The following GALNT9 variants were observed in gnomAD, a reference collection of about 807,000 sequenced individuals.
GALNT9 encodes GalNAc transferase 9.
A neutral mutation model predicts 63.1 loss-of-function variants in GALNT9; 47 were observed. The ratio of observed to expected loss-of-function variants is 0.75; its 90% CI spans 0.59 to 0.95. GALNT9 has a LOEUF of 0.95. Among genes scored for constraint, GALNT9 ranks in the 40% least tolerant of loss-of-function variants. The pLI is 0.00. For synonymous variants in GALNT9, 396 were observed against 365.7 expected, an observed-to-expected ratio of 1.08 and a Z score of -0.94; for missense variants, 829 against 874.8, an observed-to-expected ratio of 0.95 and a Z score of 0.66.
intron 6 of GALNT9, among the ~76,000 whole-genome samples, chr12:132,220,222 A>G (rs1215215364): frequency 2.6e-5 from 4 of 152,228 alleles, no homozygotes; most frequent in Non-Finnish European, 4.4e-5. Flanking sequence ...CTGTACCACA[A>G]TACTCCAGCC....
rs1881438741 is a variant in GALNT9, at chr12:132,303,929, ACACACCCTCGCCCGGG to A, written c.239-17515_239-17500del. On this transcript the variant is annotated intron_variant, in intron 1 of 10. Coordinates refer to ENST00000328957, the MANE Select transcript of GALNT9 (RefSeq NM_001122636.2). ...CTCACCCAGACACAGCCTCGCCCAG[ACACACCCTCGCCCGGG>A]CACACCCTCACCTGGGCACAGCCTC... Among the ~76,000 whole-genome samples, 2 of 28,328 alleles carry A rather than the reference ACACACCCTCGCCCGGG, an allele frequency of 7.1e-5. 1 individual carries two copies. Among genetic ancestry groups the A allele is most frequent in the Admixed American group, 7.8e-4 (2 of 2,576 alleles). The allele number at this position is 28,328 out of a possible 152,430, so 18.6% of individuals were successfully genotyped here.
chr12:132,319,802 G>C lies in GALNT9; in HGVS notation c.238+9164C>G, dbSNP rs1868696236. Among the ~76,000 whole-genome samples, 1 of 152,188 alleles carries C rather than the reference G, an allele frequency of 6.6e-6. No individual in the cohort carries two copies. The highest frequency in any genetic ancestry group is 6.5e-5 in the Admixed American group (1 of 15,290). ...TAGACAGAAGACATTCCTCGGGCCT[G>C]GGTGCCCAGCCTCCCGCGTCCTTCT... On this transcript the variant is annotated intron_variant, in intron 1 of 10. Transcript: ENST00000328957. The surrounding 1 kb of genome is among the most constrained non-coding windows in gnomAD (Gnocchi z 5.2).
At chr12:132,225,050 CTACA>C (rs1877597627) in intron 6 of GALNT9, among the ~76,000 whole-genome samples, 3 of 129,994 alleles carry the variant, frequency 2.3e-5, no homozygotes, top group African/African-American at 8.8e-5. Context: ...ACCCCACACA[CTACA>C]TACACACCAC....
Position 132,286,131 on chromosome 12 carries a change from G to GGGCGTGGGGGCCGCTCACTTCCCCGGCC in GALNT9, c.419+91_419+118dup, listed in dbSNP as rs1880577359. On this transcript the variant is annotated intron_variant, in intron 2 of 10. Coordinates refer to ENST00000328957, the MANE Select transcript of GALNT9 (RefSeq NM_001122636.2). This position sits in a 1 kb window ranked among gnomAD's most constrained non-coding sequence, Gnocchi z 7.4. ...CGTGGGGGGCGGTCACTTCCCTGGC[G>GGGCGTGGGGGCCGCTCACTTCCCCGGCC]GGCGTGGGGGCCGCTCACTTCCCCG... 4 of 1,178,872 alleles carry GGGCGTGGGGGCCGCTCACTTCCCCGGCC rather than the reference G, an allele frequency of 3.4e-6. No individual in the cohort carries two copies. Among genetic ancestry groups the GGGCGTGGGGGCCGCTCACTTCCCCGGCC allele is most frequent in the Admixed American group, 3.2e-5 (1 of 30,978 alleles). The allele number at this position is 1,178,872 out of a possible 1,614,324, so 73.0% of individuals were successfully genotyped here.
intron 1 of GALNT9, among the ~76,000 whole-genome samples, chr12:132,320,727 C>T (rs1010402558): frequency 3.9e-5 from 6 of 152,242 alleles, no homozygotes; most frequent in Non-Finnish European, 7.3e-5. Context: ...TCAAGGCCTC[C>T]GCCCCCACCA....
intron 6 of GALNT9, among the ~76,000 whole-genome samples, chr12:132,206,968 G>A (rs1195465709): frequency 6.6e-6 from 1 of 152,200 alleles, no homozygotes; most frequent in South Asian, 2.1e-4. Flanking sequence ...GGGAGGCTGA[G>A]GCGGGAGGAT....
intron 1 of GALNT9, among the ~76,000 whole-genome samples, chr12:132,328,098 C>T (rs1162252341): frequency 2.6e-5 from 4 of 152,210 alleles, no homozygotes; most frequent in Non-Finnish European, 4.4e-5. Flanking sequence ...TCCTTCCTGG[C>T]GCCCCGGTGC....
In GALNT9 at chr12:132,282,149, G is replaced by A. The variant is rs1431312199; in HGVS notation, c.419+4101C>T. ...GCCTGGGGGTCCCCGATCCCACAGA[G>A]GAGGAATCAGCTCCACTACAGCAAG... On this transcript the variant is annotated intron_variant, in intron 2 of 10. Coordinates refer to ENST00000328957, the MANE Select transcript of GALNT9 (RefSeq NM_001122636.2). This position sits in a 1 kb window ranked among gnomAD's most constrained non-coding sequence, Gnocchi z 4.5. 6.8e-6 allele frequency among the ~76,000 whole-genome samples: 1 copy of A among 147,836 alleles called. No individual in the cohort carries two copies. The highest frequency in any genetic ancestry group is 2.6e-5 in the African/African-American group (1 of 38,910).
chr12:132,318,334 G>T (rs1302945421), intron 1 of GALNT9, among the ~76,000 whole-genome samples: 1 of 152,346 alleles, frequency 6.6e-6, no homozygotes, highest in African/African-American at 2.4e-5. Flanking sequence ...GGGCAGGCCT[G>T]ACCCAGAACG....
At chr12:132,204,128 G>C (rs999171637) in intron 6 of GALNT9, among the ~76,000 whole-genome samples, 1 of 149,098 alleles carries the variant, frequency 6.7e-6, no homozygotes, top group Non-Finnish European at 1.5e-5. Flanking sequence ...ACCGCTCCAC[G>C]CATCCCCAGA....
intron 6 of GALNT9, among the ~76,000 whole-genome samples, chr12:132,228,809 G>A (rs1044988637): frequency 1.4e-4 from 22 of 152,100 alleles, no homozygotes; most frequent in Non-Finnish European, 2.4e-4. Context: ...ACTTGATTCC[G>A]TCCTGACCTT....
At chr12:132,214,652 TC>T (rs1877111933) in intron 6 of GALNT9, among the ~76,000 whole-genome samples, 1 of 152,100 alleles carries the variant, frequency 6.6e-6, no homozygotes, top group South Asian at 2.1e-4. Context: ...CCTGGCCACA[TC>T]CCCCTCATAC....
rs1315304031 is a variant in GALNT9 at position 132,329,571 on chromosome 12, C to G, written c.-368G>C. ...CCTGTCCTGCCCGCCCCGCAGCCACCGCGCCGGTGCAGAGTGACGCGGCCT... is the reference window on the plus strand; with the variant it reads ...CCTGTCCTGCCCGCCCCGCAGCCACGGCGCCGGTGCAGAGTGACGCGGCCT... On this transcript the variant is annotated 5_prime_UTR_variant, in exon 1 of 11. Transcript: ENST00000328957. Among the ~76,000 whole-genome samples the G allele has an allele frequency of 4.1e-5, 6 of 147,438 alleles. No individual in the cohort carries two copies. The highest frequency in any genetic ancestry group is 9.8e-5 in the African/African-American group (4 of 40,896).
intron 1 of GALNT9, among the ~76,000 whole-genome samples, chr12:132,313,298 C>T (rs1472444022): frequency 1.3e-5 from 2 of 150,676 alleles, no homozygotes; most frequent in Non-Finnish European, 3.0e-5. Flanking sequence ...CCTACCCATC[C>T]ACCCATCCAT....
rs1555242238 is a variant in GALNT9, at chr12:132,286,705, G to A, written c.239-275C>T. On this transcript the variant is annotated intron_variant, in intron 1 of 10. Transcript: ENST00000328957. This position sits in a 1 kb window ranked among gnomAD's most constrained non-coding sequence, Gnocchi z 7.4. ...GACTCTGTGTGATGCTGCAATGGTGGATATCTGTTATTATTATGTATTTTT... is the reference window on the plus strand; with the variant it reads ...GACTCTGTGTGATGCTGCAATGGTGAATATCTGTTATTATTATGTATTTTT... Among the ~76,000 whole-genome samples, 1 of 152,134 alleles carries A rather than the reference G, an allele frequency of 6.6e-6. No individual in the cohort carries two copies. Among genetic ancestry groups the A allele is most frequent in the Admixed American group, 6.5e-5 (1 of 15,282 alleles).
At chr12:132,269,699 G>A (rs932911881) in intron 2 of GALNT9, among the ~76,000 whole-genome samples, 2 of 152,192 alleles carry the variant, frequency 1.3e-5, no homozygotes, top group East Asian at 1.9e-4. Flanking sequence ...TGAAATAGAC[G>A]CCGCTGGGAA....
chr12:132,241,260 C>A (rs1364861586), intron 6 of GALNT9, among the ~76,000 whole-genome samples: 2 of 66,070 alleles, frequency 3.0e-5, no homozygotes, highest in African/African-American at 7.2e-5. Flanking sequence ...ACGCCACACC[C>A]CCTTCCCGGG....
chr12:132,262,638 C>T lies in GALNT9; in HGVS notation c.420-13G>A, dbSNP rs782322081. Reference sequence around the variant, plus strand: ...CATCTGTCTGCACCTGCAGGAAACACGGTTTGGGGTGCGGTCAGGGCGCAG... The same window carrying T: ...CATCTGTCTGCACCTGCAGGAAACATGGTTTGGGGTGCGGTCAGGGCGCAG... On this transcript the variant is annotated splice_polypyrimidine_tract_variant and intron_variant, in intron 2 of 10. Transcript: ENST00000328957. The T allele has an allele frequency of 2.2e-5, 34 of 1,536,556 alleles. No individual in the cohort carries two copies. The East Asian group carries it at 4.9e-4, about 22-fold the overall frequency.
intron 6 of GALNT9, chr12:132,240,815 C>T (rs1195909008): frequency 7.1e-6 from 3 of 420,566 alleles, no homozygotes; most frequent in African/African-American, 6.2e-5. Context: ...ACACACCCTT[C>T]CCAAGGCCGT....
Sources: gnomAD v4.1 joint callset for allele counts (sites outside exome capture counted in the v4.1 genomes callset) on GRCh38, gnomAD v4.1.1 for gene constraint, Gnocchi (gnomAD v3.1) non-coding constraint, MANE v1.5 for transcripts, NCBI Gene and HGNC (gene_info 2026-07-23, HGNC 2026-07-21) for gene names.